The following SLC38A11 variants were observed in gnomAD, a reference collection of about 807,000 sequenced individuals.
SLC38A11 encodes the protein putative sodium-coupled neutral amino acid transporter 11.
A neutral mutation model predicts 49.4 loss-of-function variants in SLC38A11; 51 were observed. The ratio of observed to expected loss-of-function variants is 1.03; its 90% confidence interval spans 0.83 to 1.30. The LOEUF (loss-of-function observed/expected upper bound fraction) is 1.30. Among genes scored for constraint, SLC38A11 ranks in the 50% most tolerant of loss-of-function variants. SLC38A11 has a pLI of 0.00. For synonymous variants in SLC38A11, 203 were observed against 192.9 expected, an observed-to-expected ratio of 1.05 and a Z score of -0.43; for missense variants, 574 against 556.2, an observed-to-expected ratio of 1.03 and a Z score of -0.32.
chr2:164,902,034 T>TC (rs372047644), intron 11 of SLC38A11, among the ~76,000 whole-genome samples: 3,193 of 78,312 alleles, frequency 0.041, 106 homozygotes, highest in African/African-American at 0.094. Flanking sequence ...TTTCTCTCTC[T>TC]TTTTTTTTTT....
chr2:164,898,318 C>T lies in SLC38A11; in HGVS notation c.*119G>A, dbSNP rs554105024. On this transcript the variant is annotated 3_prime_UTR_variant, in exon 12 of 12. Coordinates refer to ENST00000685975, the MANE Select transcript of SLC38A11 (RefSeq NM_001351537.2). The stretch of plus-strand genomic sequence containing the variant: ...TTTTATATTGCACTACTCATAAAAG[C>T]CAAGTCTTGATAAAAGCCAAAATAA... 4.3e-5 allele frequency: 33 copies of T among 761,486 alleles called. No homozygotes were observed. Among genetic ancestry groups the T allele is most frequent in the Admixed American group, 1.8e-4 (6 of 33,068 alleles). 47.2% of individuals were successfully genotyped at this position (761,486 alleles called of 1,614,324 possible).
chr2:164,914,536 A>T (rs1249004177), intron 9 of SLC38A11, among the ~76,000 whole-genome samples: 3 of 152,002 alleles, frequency 2.0e-5, no homozygotes, highest in Non-Finnish European at 4.4e-5. Flanking sequence ...GTTAGAATTA[A>T]AACAATGAAA....
chr2:164,906,918 C>A (rs1314974734), intron 11 of SLC38A11, among the ~76,000 whole-genome samples: 1 of 152,152 alleles, frequency 6.6e-6, no homozygotes, highest in East Asian at 1.9e-4. Context: ...TGGGCACTGA[C>A]AATAATACCT....
chr2:164,926,270 A>G (rs917239379), intron 7 of SLC38A11, among the ~76,000 whole-genome samples: 1 of 152,182 alleles, frequency 6.6e-6, no homozygotes, highest in South Asian at 2.1e-4. Flanking sequence ...CAAGTTTCTC[A>G]CCACCACATG....
chr2:164,900,861 C>CA (rs34276432), intron 11 of SLC38A11, among the ~76,000 whole-genome samples: 58,059 of 151,640 alleles, frequency 0.38, 12,123 homozygotes, highest in Admixed American at 0.47. Flanking sequence ...GTGTGATATT[C>CA]AAAAAAATCA....
intron 3 of SLC38A11, among the ~76,000 whole-genome samples, chr2:164,946,252 CTCTA>C (rs1688097560): frequency 1.1e-5 from 1 of 94,986 alleles, no homozygotes; most frequent in Non-Finnish European, 2.5e-5. Context: ...GAAAGAGACA[CTCTA>C]TGAAATTTTG....
chr2:164,955,303 A>C lies in SLC38A11; in HGVS notation c.-56T>G, dbSNP rs1574032452. Reference sequence around the variant, plus strand: ...ATGCTGGGGCTGGGTACGGATTCGCACCCGGCCAGCCTCCTCCGCCACCTC... The same window carrying C: ...ATGCTGGGGCTGGGTACGGATTCGCCCCCGGCCAGCCTCCTCCGCCACCTC... On this transcript the variant is annotated 5_prime_UTR_variant, in exon 1 of 12. Transcript: ENST00000685975. 1 of 1,510,294 alleles carries C rather than the reference A, an allele frequency of 6.6e-7. No individual in the cohort carries two copies. Among genetic ancestry groups the C allele is most frequent in the Non-Finnish European group, 9.0e-7 (1 of 1,110,730 alleles). 93.6% of individuals were successfully genotyped at this position (1,510,294 alleles called of 1,614,324 possible).
Position 164,911,749 on chromosome 2 carries a change from C to A in SLC38A11, c.851-1G>T. On this transcript the variant is annotated splice_acceptor_variant, in intron 9 of 11. Coordinates refer to ENST00000685975, the MANE Select transcript of SLC38A11 (RefSeq NM_001351537.2). LOFTEE classifies it high-confidence loss of function. The stretch of plus-strand genomic sequence containing the variant: ...CTGCAGTAATTTTCAAATAAGTCCC[C>A]TAGATAGTAATATAAAATAAGTTTA... The A allele has an allele frequency of 6.5e-7, 1 of 1,540,152 alleles. No homozygotes were observed. Among genetic ancestry groups the A allele is most frequent in the East Asian group, 2.3e-5 (1 of 43,838 alleles).
rs148215258 is a variant in SLC38A11, at chr2:164,941,656, G to A, written c.431-2100C>T. Among the ~76,000 whole-genome samples the A allele has an allele frequency of 2.3e-3, 353 of 152,086 alleles. 2 individuals are homozygous for A. The highest frequency in any genetic ancestry group is 0.014 in the Middle Eastern group (4 of 292). On this transcript the variant is annotated intron_variant, in intron 5 of 11. Coordinates refer to ENST00000685975, the MANE Select transcript of SLC38A11 (RefSeq NM_001351537.2). ...ATAATATTTTATTTTTATGAAGAGC[G>A]TTATTCATACATTCTTTGTATAATT... is the stretch of plus-strand genomic sequence containing the variant.
At position 164,946,554 on chromosome 2, in the gene SLC38A11, G is replaced by A. The variant is rs906222492; in HGVS notation, c.230-827C>T. Among the ~76,000 whole-genome samples, 6 of 117,656 alleles carry A rather than the reference G, an allele frequency of 5.1e-5. No individual in the cohort carries two copies. In the Admixed American group the frequency reaches 6.5e-4, roughly 13 times the overall value. The allele number at this position is 117,656 out of a possible 152,430, so 77.2% of individuals were successfully genotyped here. ...TCTCTCCAGCTTGGCAACACAGCGA[G>A]ACTCCCTCTCAAAAAAAAAAAAAAA... On this transcript the variant is annotated intron_variant, in intron 3 of 11. Coordinates refer to ENST00000685975, the MANE Select transcript of SLC38A11 (RefSeq NM_001351537.2).
At chr2:164,948,881 T>A (rs1688317711) in intron 3 of SLC38A11, among the ~76,000 whole-genome samples, 1 of 146,780 alleles carries the variant, frequency 6.8e-6, no homozygotes, top group Non-Finnish European at 1.5e-5. Flanking sequence ...TTTTCTCTGC[T>A]AACTCACTTT....
intron 3 of SLC38A11, among the ~76,000 whole-genome samples, chr2:164,951,278 T>G (rs1203510890): frequency 6.6e-6 from 1 of 152,140 alleles, no homozygotes; most frequent in Non-Finnish European, 1.5e-5. Flanking sequence ...TAAACCATAG[T>G]GATTATGGTG....
At chr2:164,943,913 G>A (rs952234659) in intron 5 of SLC38A11, among the ~76,000 whole-genome samples, 1 of 152,132 alleles carries the variant, frequency 6.6e-6, no homozygotes, top group Non-Finnish European at 1.5e-5. Flanking sequence ...CTGCAGGGCA[G>A]TGGCACGATC....
intron 7 of SLC38A11, among the ~76,000 whole-genome samples, chr2:164,930,693 T>A (rs1401271262): frequency 6.6e-6 from 1 of 152,086 alleles, no homozygotes; most frequent in African/African-American, 2.4e-5. Flanking sequence ...AGGCTTTTGA[T>A]AAAATTCAAC....
intron 7 of SLC38A11, among the ~76,000 whole-genome samples, chr2:164,921,823 T>C (rs529312376): frequency 1.4e-4 from 21 of 152,318 alleles, no homozygotes; most frequent in African/African-American, 4.8e-4. Flanking sequence ...CTACCAAAAA[T>C]AGGGACTGGC....
At chr2:164,933,565 C>T (rs1687156254) in intron 7 of SLC38A11, among the ~76,000 whole-genome samples, 1 of 151,964 alleles carries the variant, frequency 6.6e-6, no homozygotes, top group Non-Finnish European at 1.5e-5. Context: ...GTAACAAGGT[C>T]AATACCAGTA....
At position 164,954,663 on chromosome 2, in the gene SLC38A11, A is replaced by G; in HGVS notation, c.122T>C (p.Val41Ala). Reference sequence around the variant, plus strand: ...ACCAGATCCTATAATCGAGTTGACAACATTAAAAAGAGCAGCAGACTGACA... The same window carrying G: ...ACCAGATCCTATAATCGAGTTGACAGCATTAAAAAGAGCAGCAGACTGACA... ...KTCQSAALFN[V>A]VNSIIGSGII... The change falls in exon 2 of 12, where the codon GTT (valine) becomes GCT (alanine). Residue 41 changes from valine to alanine, a missense_variant. Transcript: ENST00000685975. 1 of 1,538,200 alleles carries G rather than the reference A, an allele frequency of 6.5e-7. No individual in the cohort carries two copies.
At chr2:164,900,517 C>T (rs1037908840) in intron 11 of SLC38A11, among the ~76,000 whole-genome samples, 2 of 151,894 alleles carry the variant, frequency 1.3e-5, no homozygotes, top group African/African-American at 4.8e-5. Flanking sequence ...GTGATATCGC[C>T]TAGTGGTTTT....
intron 11 of SLC38A11, among the ~76,000 whole-genome samples, chr2:164,903,430 G>C (rs1684792219): frequency 6.6e-6 from 1 of 152,158 alleles, no homozygotes; most frequent in Non-Finnish European, 1.5e-5. Context: ...TGAGAAAGTA[G>C]CAATTAGAGG....
Sources: gnomAD v4.1 joint callset for allele counts (sites outside exome capture counted in the v4.1 genomes callset) on GRCh38, gnomAD v4.1.1 for gene constraint, MANE v1.5 for transcripts, NCBI Gene and HGNC (gene_info 2026-07-23, HGNC 2026-07-21) for gene names.